RGS6: variants seen among roughly 807,000 people sequenced by gnomAD.
The protein encoded by RGS6 is regulator of G protein signaling 6.
RGS6 carries 30 observed loss-of-function variants against 78.5 expected under a neutral mutation model. The ratio of observed to expected loss-of-function variants is 0.38; its 90% CI spans 0.29 to 0.52. The LOEUF (loss-of-function observed/expected upper bound fraction) is 0.52. Ranked by LOEUF, RGS6 falls within the 20% of genes least tolerant of loss-of-function variation. RGS6 has a pLI of 0.85. For synonymous variants in RGS6, 206 were observed against 206.0 expected, an observed-to-expected ratio of 1.00 and a Z score of 0.00; for missense variants, 495 against 609.7, an observed-to-expected ratio of 0.81 and a Z score of 1.98.
intron 2 of RGS6, among the ~76,000 whole-genome samples, chr14:72,347,565 T>C (rs2078289897): frequency 6.6e-6 from 1 of 152,220 alleles, no homozygotes; most frequent in Admixed American, 6.5e-5. Context: ...TGTTCTCTTG[T>C]CTATAAAATG....
At chr14:71,927,824 AT>A, upstream of RGS6, among the ~76,000 whole-genome samples, 1 of 151,132 alleles carries the variant, frequency 6.6e-6, no homozygotes, top group East Asian at 2.0e-4. Context: ...TGCCCGGCTA[AT>A]TTTTTTGTAT....
At chr14:72,472,000 TG>T in intron 8 of RGS6, among the ~76,000 whole-genome samples, 1 of 152,216 alleles carries the variant, frequency 6.6e-6, no homozygotes. Context: ...ATTATAATTG[TG>T]GGCCACCTAA....
At chr14:72,368,101 A>G (rs2082765580) in intron 3 of RGS6, among the ~76,000 whole-genome samples, 1 of 152,204 alleles carries the variant, frequency 6.6e-6, no homozygotes, top group South Asian at 2.1e-4. Context: ...GAAGAGAGAA[A>G]TGTATTTCTC....
At chr14:72,321,735 A>C (rs888634762) in intron 2 of RGS6, among the ~76,000 whole-genome samples, 1 of 152,006 alleles carries the variant, frequency 6.6e-6, no homozygotes, top group African/African-American at 2.4e-5. Flanking sequence ...AAATAGAAAG[A>C]CTTTAATTAT....
At chr14:72,184,545 A>G (rs1323502689) in intron 2 of RGS6, among the ~76,000 whole-genome samples, 1 of 152,198 alleles carries the variant, frequency 6.6e-6, no homozygotes, top group Non-Finnish European at 1.5e-5. Context: ...TATTATACTC[A>G]TTATGTACAA....
At chr14:72,475,199 G>GTTTTTT (rs11300478) in intron 10 of RGS6, among the ~76,000 whole-genome samples, 9 of 121,996 alleles carry the variant, frequency 7.4e-5, no homozygotes, top group East Asian at 2.3e-4. Context: ...CTTTTTTATG[G>GTTTTTT]TTTTTTTTTT....
intron 17 of RGS6, among the ~76,000 whole-genome samples, chr14:72,558,927 C>T (rs2097628628): frequency 6.6e-6 from 1 of 152,232 alleles, no homozygotes; most frequent in Admixed American, 6.5e-5. Context: ...TCAGCTGCTT[C>T]GCTCAGCTAC....
intron 2 of RGS6, among the ~76,000 whole-genome samples, chr14:72,165,283 C>T (rs1390248137): frequency 1.4e-4 from 22 of 152,188 alleles, no homozygotes; most frequent in Admixed American, 9.2e-4. Flanking sequence ...GAAGAATCTC[C>T]GGAGAACATC....
the RGS6 span, among the ~76,000 whole-genome samples, chr14:71,886,978 C>T: frequency 2.8e-4 from 42 of 152,184 alleles, no homozygotes; most frequent in Non-Finnish European, 5.3e-4. Flanking sequence ...GGTGAAACCC[C>T]ATCTCTACTA....
the RGS6 span, among the ~76,000 whole-genome samples, chr14:71,869,114 A>G: frequency 6.6e-6 from 1 of 152,200 alleles, no homozygotes; most frequent in Non-Finnish European, 1.5e-5. Context: ...AATAACACCT[A>G]AGTCTTTGCC....
chr14:72,432,817 T>C (rs2094709095), intron 3 of RGS6, among the ~76,000 whole-genome samples: 1 of 152,194 alleles, frequency 6.6e-6, no homozygotes, highest in South Asian at 2.1e-4. Flanking sequence ...CCCAGGACCA[T>C]GTTTCTAAGA....
intron 2 of RGS6, among the ~76,000 whole-genome samples, chr14:72,152,239 AGAGAGAGT>A (rs1206022216): frequency 0.082 from 11,630 of 142,190 alleles, 484 homozygotes; most frequent in Non-Finnish European, 0.12. Flanking sequence ...AGAGAGAGAG[AGAGAGAGT>A]GTGTGTGTGT....
At chr14:72,302,544 C>A (rs1325866055) in intron 2 of RGS6, among the ~76,000 whole-genome samples, 1 of 152,118 alleles carries the variant, frequency 6.6e-6, no homozygotes, top group African/African-American at 2.4e-5. Flanking sequence ...TATTGGAAAC[C>A]CATACAAAAC....
intron 17 of RGS6, chr14:72,540,490 G>GGA: frequency 1.4e-6 from 2 of 1,421,406 alleles, no homozygotes; most frequent in African/African-American, 3.2e-5. Flanking sequence ...ATAGCTCATC[G>GGA]AAAAAAAAAA....
At chr14:71,995,843 T>C (rs2095178926) in intron 2 of RGS6, among the ~76,000 whole-genome samples, 1 of 152,200 alleles carries the variant, frequency 6.6e-6, no homozygotes, top group Non-Finnish European at 1.5e-5. Context: ...TGGCCATAGT[T>C]TATACACATA....
chr14:72,109,315 A>G (rs1284834232), intron 2 of RGS6, among the ~76,000 whole-genome samples: 1 of 152,124 alleles, frequency 6.6e-6, no homozygotes, highest in Non-Finnish European at 1.5e-5. Context: ...GTAAATGTCC[A>G]TTAATTTTTG....
At chr14:72,243,790 G>C (rs2053527024) in intron 2 of RGS6, among the ~76,000 whole-genome samples, 2 of 147,834 alleles carry the variant, frequency 1.4e-5, no homozygotes, top group Non-Finnish European at 3.0e-5. Flanking sequence ...CCCTGTATCT[G>C]TTGTCACTGA....
intron 2 of RGS6, among the ~76,000 whole-genome samples, chr14:71,987,954 C>G (rs113495620): frequency 6.1e-4 from 93 of 152,250 alleles, no homozygotes; most frequent in African/African-American, 2.2e-3. Flanking sequence ...GCTGGCATAT[C>G]GCACTTCCCT....
At chr14:72,316,232 AT>A (rs960106324) in intron 2 of RGS6, among the ~76,000 whole-genome samples, 11 of 151,828 alleles carry the variant, frequency 7.2e-5, no homozygotes, top group South Asian at 2.1e-4. Context: ...TTGTCTTTTT[AT>A]TTTTTTTATT....
Sources: allele counts gnomAD v4.1 joint callset (sites outside exome capture counted in the v4.1 genomes callset), GRCh38; gene constraint gnomAD v4.1.1; transcripts MANE v1.5; gene names NCBI Gene and HGNC (gene_info 2026-07-23, HGNC 2026-07-21).